The following HACD4 variants were observed in gnomAD, a reference collection of about 807,000 sequenced individuals.
HACD4 encodes 3-hydroxyacyl-CoA dehydratase 4.
In HACD4, 35 loss-of-function variants were observed where a neutral mutation model predicts 33.3. That is an observed-to-expected ratio of 1.05 (90% CI 0.80 to 1.39). The LOEUF is 1.39. Ranked by LOEUF, HACD4 falls within the 40% of genes most tolerant of loss-of-function variation. The pLI is 0.00. For synonymous variants in HACD4, 118 were observed against 98.0 expected (o/e 1.20, Z -1.21); for missense variants, 323 against 276.5 (o/e 1.17, Z -1.19).
chr9:21,006,912 G>T lies in HACD4; in HGVS notation c.*125C>A. 1.4e-6 allele frequency: 1 copy of T among 712,960 alleles called. No homozygotes were observed. The highest frequency in any genetic ancestry group is 2.6e-6 in the Non-Finnish European group (1 of 390,860). The allele number at this position is 712,960 out of a possible 1,614,324, so 44.2% of individuals were successfully genotyped here. A position where few individuals can be genotyped will look rare whatever the true frequency, so the allele number is the denominator to read the frequency against. Reference sequence around the variant, plus strand: ...GTCTAGAGTTTTGGGGGTATGTGCAGTTATTTCATGTAATGGATTTTTATC... The same window carrying T: ...GTCTAGAGTTTTGGGGGTATGTGCATTTATTTCATGTAATGGATTTTTATC... On this transcript the variant is annotated 3_prime_UTR_variant, in exon 7 of 7. Transcript: ENST00000495827. This position sits in a 1 kb window ranked among gnomAD's most constrained non-coding sequence, Gnocchi z 4.6.
At chr9:21,022,215 A>G (rs1197141497) in intron 3 of HACD4, among the ~76,000 whole-genome samples, 2 of 152,234 alleles carry the variant, frequency 1.3e-5, no homozygotes. Context: ...AACCTTATAC[A>G]AAAATTAATT....
chr9:21,028,007 C>G (rs1160756397), intron 2 of HACD4, among the ~76,000 whole-genome samples: 1 of 151,676 alleles, frequency 6.6e-6, no homozygotes, highest in African/African-American at 2.4e-5. Flanking sequence ...TGGTGGCGGG[C>G]ACCTGTAATC....
intron 3 of HACD4, among the ~76,000 whole-genome samples, chr9:21,023,323 A>T (rs1817975602): frequency 6.6e-6 from 1 of 152,158 alleles, no homozygotes; most frequent in African/African-American, 2.4e-5. Context: ...CATATGTAAC[A>T]AACCTGCACA....
At chr9:21,008,488 A>G (rs557751329) in intron 5 of HACD4, among the ~76,000 whole-genome samples, 1 of 152,286 alleles carries the variant, frequency 6.6e-6, no homozygotes, top group South Asian at 2.1e-4. Context: ...AATGGTGCAT[A>G]TATTTTCCTC....
rs1842205837 is a variant in HACD4, at chr9:21,003,767, C to T, written c.*3270G>A. 1 of 151,736 alleles carries T rather than the reference C, an allele frequency of 6.6e-6. No individual in the cohort carries two copies. The highest frequency in any genetic ancestry group is 2.1e-4 in the East Asian group (1 of 4,862). The allele number at this position is 151,736 out of a possible 1,614,324, so 9.4% of individuals were successfully genotyped here. On this transcript the variant is annotated 3_prime_UTR_variant, in exon 7 of 7. Coordinates refer to ENST00000495827, the MANE Select transcript of HACD4 (RefSeq NM_001010915.5). ...TACAGCAATGACTATCAGTTATTCA[C>T]ACTTTTTTTAGATTTTCAAAGAAAG...
chr9:21,016,518 T>C lies in HACD4; in HGVS notation c.271-508A>G, dbSNP rs564153338. On this transcript the variant is annotated intron_variant, in intron 3 of 6. Coordinates refer to ENST00000495827, the MANE Select transcript of HACD4 (RefSeq NM_001010915.5). ...CATTTCATTTCATCCAAGTTGGATC[T>C]TGAAAAATGAATAAGAGTTTGTCAG... Among the ~76,000 whole-genome samples, 3 of 152,204 alleles carry C rather than the reference T, an allele frequency of 2.0e-5. No homozygotes were observed. In the South Asian group the frequency reaches 6.2e-4, roughly 31 times the overall value.
In HACD4 at chr9:21,006,694, G is replaced by T. The variant is rs528431035; in HGVS notation, c.*343C>A. 12 of 250,928 alleles carry T rather than the reference G, an allele frequency of 4.8e-5. No homozygotes were observed. The highest frequency in any genetic ancestry group is 2.8e-4 in the African/African-American group (12 of 42,716). The allele number at this position is 250,928 out of a possible 1,614,324, so 15.5% of individuals were successfully genotyped here. ...ACATGTAATTTAGGTTATCAAGTTT[G>T]GTTTCTTAATTTAATTGAATCTATT... On this transcript the variant is annotated 3_prime_UTR_variant, in exon 7 of 7. Transcript: ENST00000495827. This position sits in a 1 kb window ranked among gnomAD's most constrained non-coding sequence, Gnocchi z 4.6.
chr9:21,006,843 T>G lies in HACD4; in HGVS notation c.*194A>C, dbSNP rs748904819. On this transcript the variant is annotated 3_prime_UTR_variant, in exon 7 of 7. Coordinates refer to ENST00000495827, the MANE Select transcript of HACD4 (RefSeq NM_001010915.5). This position sits in a 1 kb window ranked among gnomAD's most constrained non-coding sequence, Gnocchi z 4.6. Reference sequence around the variant, plus strand: ...TTGGTGAAGCAGGGTATGGAGAATATATATGTCTTAAAAATACAATGTGTG... The same window carrying G: ...TTGGTGAAGCAGGGTATGGAGAATAGATATGTCTTAAAAATACAATGTGTG... The G allele has an allele frequency of 2.1e-5, 12 of 579,006 alleles. No homozygotes were observed. Among genetic ancestry groups the G allele is most frequent in the Non-Finnish European group, 3.4e-5 (11 of 323,126 alleles). The allele number at this position is 579,006 out of a possible 1,614,324, so 35.9% of individuals were successfully genotyped here. A position where few individuals can be genotyped will look rare whatever the true frequency, so the allele number is the denominator to read the frequency against.
chr9:21,023,142 C>G lies in HACD4; in HGVS notation c.270+3454G>C, dbSNP rs910950675. On this transcript the variant is annotated intron_variant, in intron 3 of 6. Transcript: ENST00000495827. Reference sequence around the variant, plus strand: ...GACAGAAAAACAAACACCACATGTTCTCCCTCACAGGTGGGAACTGAACAA... The same window carrying G: ...GACAGAAAAACAAACACCACATGTTGTCCCTCACAGGTGGGAACTGAACAA... 6.0e-5 allele frequency among the ~76,000 whole-genome samples: 9 copies of G among 149,348 alleles called. 1 individual carries two copies. The highest frequency in any genetic ancestry group is 2.2e-4 in the African/African-American group (9 of 40,456).
Position 21,007,158 on chromosome 9 carries a change from A to T in HACD4, c.617-39T>A, listed in dbSNP as rs977296647. ...AGAAGTTGCAAAAGTAAGTAAGGTT[A>T]ACTATTTCTCTGGAAGAAACAATGC... is the stretch of plus-strand genomic sequence containing the variant. On this transcript the variant is annotated intron_variant, in intron 6 of 6. Transcript: ENST00000495827. 8.8e-6 allele frequency: 9 copies of T among 1,026,630 alleles called. 1 individual carries two copies. The South Asian group carries it at 1.1e-4, about 13-fold the overall frequency. 63.6% of individuals were successfully genotyped at this position (1,026,630 alleles called of 1,614,324 possible).
intron 4 of HACD4, among the ~76,000 whole-genome samples, chr9:21,013,286 A>C (rs1183256030): frequency 1.3e-5 from 2 of 152,148 alleles, no homozygotes; most frequent in Non-Finnish European, 2.9e-5. Flanking sequence ...GAAAAAGACT[A>C]TTCTTTCCCC....
intron 3 of HACD4, among the ~76,000 whole-genome samples, chr9:21,016,552 G>A (rs1189595554): frequency 6.6e-6 from 1 of 152,120 alleles, no homozygotes; most frequent in African/African-American, 2.4e-5. Context: ...AGGTAGACTG[G>A]GTATAACAGA....
At chr9:21,011,516 A>C in intron 5 of HACD4, 73 bp downstream of exon 5, 1 of 898,708 alleles carries the variant, frequency 1.1e-6, no homozygotes, top group South Asian at 1.4e-5. Flanking sequence ...TTTAATCATC[A>C]AAAAATTTAG....
intron 4 of HACD4, chr9:21,015,044 A>C (rs1418529793): frequency 6.6e-6 from 1 of 152,206 alleles, no homozygotes; most frequent in African/African-American, 2.4e-5. Context: ...CTAAACTATC[A>C]ATTCAAAAAT....
chr9:21,006,789 T>G lies in HACD4; in HGVS notation c.*248A>C. On this transcript the variant is annotated 3_prime_UTR_variant, in exon 7 of 7. Coordinates refer to ENST00000495827, the MANE Select transcript of HACD4 (RefSeq NM_001010915.5). The surrounding 1 kb of genome is among the most constrained non-coding windows in gnomAD (Gnocchi z 4.6). The stretch of plus-strand genomic sequence containing the variant: ...AGACTTCATACAATGTAAGTATAAC[T>G]TGTATAAAATCCAAATGAAGCAGGA... The G allele has an allele frequency of 2.2e-6, 1 of 454,898 alleles. No homozygotes were observed. Among genetic ancestry groups the G allele is most frequent in the Non-Finnish European group, 4.0e-6 (1 of 251,970 alleles). 28.2% of individuals were successfully genotyped at this position (454,898 alleles called of 1,614,324 possible). A position where few individuals can be genotyped will look rare whatever the true frequency, so the allele number is the denominator to read the frequency against.
intron 2 of HACD4, among the ~76,000 whole-genome samples, chr9:21,028,700 ATAGTCATTTAGTCACCC>A (rs1232186891): frequency 6.6e-6 from 1 of 152,210 alleles, no homozygotes; most frequent in Non-Finnish European, 1.5e-5. Context: ...TGTTATTTTG[ATAGTCATTTAGTCACCC>A]AACAGTGACT....
In HACD4 at chr9:21,000,991, T is replaced by C. The variant is rs2132757414; in HGVS notation, c.*6046A>G. Reference sequence around the variant, plus strand: ...TTAACTTAGGGACCTTAGTGAGATGTAGTTACCATATTATTAGATTGAAAC... The same window carrying C: ...TTAACTTAGGGACCTTAGTGAGATGCAGTTACCATATTATTAGATTGAAAC... On this transcript the variant is annotated 3_prime_UTR_variant, in exon 7 of 7. Transcript: ENST00000495827. 1 of 152,130 alleles carries C rather than the reference T, an allele frequency of 6.6e-6. No individual in the cohort carries two copies. The highest frequency in any genetic ancestry group is 1.5e-5 in the Non-Finnish European group (1 of 67,954). The allele number at this position is 152,130 out of a possible 1,614,324, so 9.4% of individuals were successfully genotyped here.
rs1256028163 is a variant in HACD4, at chr9:21,002,091, A to C, written c.*4946T>G. On this transcript the variant is annotated 3_prime_UTR_variant, in exon 7 of 7. Coordinates refer to ENST00000495827, the MANE Select transcript of HACD4 (RefSeq NM_001010915.5). ...GTGTATATAATTTTGTGAAACTTAA[A>C]GGAGTGATAGACAGAGATATAAAGA... is the stretch of plus-strand genomic sequence containing the variant. The C allele has an allele frequency of 6.6e-6, 1 of 152,142 alleles. No individual in the cohort carries two copies. Among genetic ancestry groups the C allele is most frequent in the Non-Finnish European group, 1.5e-5 (1 of 67,978 alleles). The allele number at this position is 152,142 out of a possible 1,614,324, so 9.4% of individuals were successfully genotyped here.
At position 21,029,352 on chromosome 9, in the gene HACD4, A is replaced by G; in HGVS notation, c.85T>C (p.Cys29Arg). Reference sequence around the variant, plus strand: ...TTTGTAAATATCCAAGAGTGGCCACAGAACTGGATTAAGTAATAGATGAAA... The same window carrying G: ...TTTGTAAATATCCAAGAGTGGCCACGGAACTGGATTAAGTAATAGATGAAA... ...YLFIYYLIQF[C>R]GHSWIFTNMT... Residue 29 changes from cysteine (C) to arginine (R), a missense_variant, in exon 2 of 7, where the codon TGT becomes CGT. Coordinates refer to ENST00000495827, the MANE Select transcript of HACD4 (RefSeq NM_001010915.5). The G allele has an allele frequency of 6.2e-7, 1 of 1,602,310 alleles. No individual in the cohort carries two copies. The highest frequency in any genetic ancestry group is 2.2e-5 in the East Asian group (1 of 44,746).
Sources: allele counts gnomAD v4.1 joint callset (sites outside exome capture counted in the v4.1 genomes callset), GRCh38; gene constraint gnomAD v4.1.1; non-coding constraint Gnocchi (gnomAD v3.1); transcripts MANE v1.5; gene names NCBI Gene and HGNC (gene_info 2026-07-23, HGNC 2026-07-21).